The following EGFLAM variants were observed in gnomAD, a reference collection of about 807,000 sequenced individuals.
The protein encoded by EGFLAM is EGF like, fibronectin type III and laminin G domains, also known as pikachurin.
In EGFLAM, 79 loss-of-function variants were observed where a neutral mutation model predicts 113.1. That is an observed-to-expected ratio of 0.70 (90% CI 0.58 to 0.84). The LOEUF (loss-of-function observed/expected upper bound fraction) is 0.84, where lower values mean the gene tolerates loss of function less well. EGFLAM is among the 40% of genes least tolerant of loss of function. EGFLAM has a pLI of 0.00. For synonymous variants in EGFLAM, 504 were observed against 487.6 expected, an observed-to-expected ratio of 1.03 and a Z score of -0.44; for missense variants, 1,265 against 1,291.6, an observed-to-expected ratio of 0.98 and a Z score of 0.32.
In EGFLAM at chr5:38,417,355, A is replaced by AC. The variant is rs1554013047; in HGVS notation, c.1495-711_1495-710insC. Among the ~76,000 whole-genome samples the AC allele has an allele frequency of 4.5e-4, 66 of 145,158 alleles. 1 individual carries two copies. The South Asian group carries it at 0.014, about 31-fold the overall frequency. Reference sequence around the variant, plus strand: ...AGAGCGAGACTCTGTCTCAAAAAAAAAAAAAAAAAAAAAACAAAAAAAAAA... The same window carrying AC: ...AGAGCGAGACTCTGTCTCAAAAAAAACAAAAAAAAAAAAAACAAAAAAAAAA... On this transcript the variant is annotated intron_variant, in intron 11 of 21. Transcript: ENST00000322350.
chr5:38,279,974 A>G (rs1757974847), intron 1 of EGFLAM, among the ~76,000 whole-genome samples: 1 of 152,212 alleles, frequency 6.6e-6, no homozygotes, highest in Non-Finnish European at 1.5e-5. Context: ...GTTGTGCATA[A>G]TAAATACACA....
intron 5 of EGFLAM, among the ~76,000 whole-genome samples, chr5:38,369,660 C>T (rs978191022): frequency 4.6e-5 from 7 of 152,142 alleles, no homozygotes; most frequent in African/African-American, 1.7e-4. Context: ...GTAGGAGAGT[C>T]AGGATTTGAA....
Position 38,407,136 on chromosome 5 carries a change from C to T in EGFLAM, c.1137C>T (p.Ser379=). 2 of 1,611,398 alleles carry T rather than the reference C, an allele frequency of 1.2e-6. No homozygotes were observed. Among genetic ancestry groups the T allele is most frequent in the South Asian group, 1.1e-5 (1 of 91,018 alleles). Residue 379 remains serine, a synonymous_variant, in exon 8 of 22, where the codon AGC becomes AGT. Transcript: ENST00000322350. ...CQCTLGKGGE[S]CSEDIVIQYP... ...GCACCCTGGGCAAAGGTGGTGAGAG[C>T]TGCTCAGAAGGTAGGCCCTTGGGGG...
intron 15 of EGFLAM, 23 bp from the exon 16 acceptor site, chr5:38,435,114 C>G (rs775150867): frequency 1.3e-6 from 2 of 1,597,796 alleles, no homozygotes; most frequent in Non-Finnish European, 1.7e-6. Context: ...TCATACAATG[C>G]TTTGTTTTTA....
In EGFLAM at chr5:38,404,021, G is replaced by GC. The variant is rs1741199803; in HGVS notation, c.713-2102dup. On this transcript the variant is annotated intron_variant, in intron 6 of 21. Coordinates refer to ENST00000322350, the MANE Select transcript of EGFLAM (RefSeq NM_152403.4). Reference sequence around the variant, plus strand: ...TGTTATCCCACCTCCACCAAGAAGTGCCCGAACCCCTGAGAACAGCTCACT... The same window carrying GC: ...TGTTATCCCACCTCCACCAAGAAGTGCCCCGAACCCCTGAGAACAGCTCACT... 2.7e-5 allele frequency: 43 copies of GC among 1,565,388 alleles called. No homozygotes were observed. In the South Asian group the frequency reaches 4.4e-4, roughly 16 times the overall value.
chr5:38,461,539 G>A (rs1743273337), intron 20 of EGFLAM, among the ~76,000 whole-genome samples: 1 of 151,950 alleles, frequency 6.6e-6, no homozygotes. Context: ...GGCAGGGCAA[G>A]CAAGGCAAGC....
At chr5:38,337,131 T>G (rs1347790985) in intron 1 of EGFLAM, among the ~76,000 whole-genome samples, 1 of 152,242 alleles carries the variant, frequency 6.6e-6, no homozygotes, top group Non-Finnish European at 1.5e-5. Flanking sequence ...ATGTAATGTA[T>G]ACATAAAACA....
chr5:38,321,372 C>T (rs1441495342), intron 1 of EGFLAM, among the ~76,000 whole-genome samples: 1 of 152,164 alleles, frequency 6.6e-6, no homozygotes, highest in Non-Finnish European at 1.5e-5. Flanking sequence ...GCTTGGCTCA[C>T]TCACCCACCA....
intron 1 of EGFLAM, among the ~76,000 whole-genome samples, chr5:38,328,067 C>T (rs183385320): frequency 5.3e-5 from 8 of 152,244 alleles, no homozygotes; most frequent in Admixed American, 1.3e-4. Flanking sequence ...AAGATACACT[C>T]GAGATTGGGT....
chr5:38,295,678 A>G (rs1212407319), intron 1 of EGFLAM, among the ~76,000 whole-genome samples: 1 of 152,192 alleles, frequency 6.6e-6, no homozygotes, highest in East Asian at 1.9e-4. Flanking sequence ...TATCCTCAAA[A>G]TGTAATAACA....
intron 6 of EGFLAM, among the ~76,000 whole-genome samples, chr5:38,387,419 AG>A (rs1740694813): frequency 1.3e-5 from 2 of 152,198 alleles, no homozygotes; most frequent in Non-Finnish European, 2.9e-5. Flanking sequence ...AACTGTCTCC[AG>A]GAGCCTTTTT....
intron 17 of EGFLAM, among the ~76,000 whole-genome samples, chr5:38,447,677 A>G (rs1434498952): frequency 1.3e-5 from 2 of 150,506 alleles, no homozygotes; most frequent in Non-Finnish European, 2.9e-5. Context: ...GATTGCTTGA[A>G]CTCAGGAGGT....
At chr5:38,303,850 T>C (rs1051369024) in intron 1 of EGFLAM, among the ~76,000 whole-genome samples, 2 of 151,974 alleles carry the variant, frequency 1.3e-5, no homozygotes, top group African/African-American at 4.8e-5. Flanking sequence ...GAAAACAGAA[T>C]ATAGCCTTGG....
chr5:38,271,264 C>T (rs1757757501), intron 1 of EGFLAM, among the ~76,000 whole-genome samples: 1 of 152,160 alleles, frequency 6.6e-6, no homozygotes, highest in Non-Finnish European at 1.5e-5. Context: ...ATTTCTTTAG[C>T]TACTTTTTTA....
At chr5:38,431,147 T>G in intron 14 of EGFLAM, 30 bp from the exon 15 acceptor site, 1 of 1,600,912 alleles carries the variant, frequency 6.2e-7, no homozygotes, top group South Asian at 1.1e-5. Flanking sequence ...ACTCGATACA[T>G]AAAAATAATA....
chr5:38,459,562 C>A (rs1007279977), intron 20 of EGFLAM, among the ~76,000 whole-genome samples: 1 of 152,168 alleles, frequency 6.6e-6, no homozygotes, highest in Non-Finnish European at 1.5e-5. Context: ...AGATGAAGGT[C>A]CCAGGAGAAG....
intron 12 of EGFLAM, among the ~76,000 whole-genome samples, chr5:38,420,143 C>T (rs138058261): frequency 4.9e-4 from 74 of 152,340 alleles, no homozygotes; most frequent in African/African-American, 1.8e-3. Flanking sequence ...GTGACCTCAG[C>T]CATTCTGGCA....
chr5:38,317,754 C>T (rs911340158), intron 1 of EGFLAM, among the ~76,000 whole-genome samples: 1 of 152,214 alleles, frequency 6.6e-6, no homozygotes, highest in African/African-American at 2.4e-5. Flanking sequence ...AACCCAATGG[C>T]TTTACAGGTA....
rs1270151727 is a variant in EGFLAM, at chr5:38,350,756, AC to A, written c.409+139del. On this transcript the variant is annotated intron_variant, in intron 4 of 21. Coordinates refer to ENST00000322350, the MANE Select transcript of EGFLAM (RefSeq NM_152403.4). The stretch of plus-strand genomic sequence containing the variant: ...AATTCAGTAGAGAACAAAAGTAAGC[AC>A]AGCTCCCGCCCTCTCAGAACTTAGT... 5 of 755,540 alleles carry A rather than the reference AC, an allele frequency of 6.6e-6. No homozygotes were observed. In the African/African-American group the frequency reaches 8.8e-5, roughly 13 times the overall value. The allele number at this position is 755,540 out of a possible 1,614,324, so 46.8% of individuals were successfully genotyped here.
Sources: gnomAD v4.1 joint callset for allele counts (sites outside exome capture counted in the v4.1 genomes callset) on GRCh38, gnomAD v4.1.1 for gene constraint, MANE v1.5 for transcripts, NCBI Gene and HGNC (gene_info 2026-07-23, HGNC 2026-07-21) for gene names.